Variants in CTDSPL2 observed in about 807,000 individuals in gnomAD.
CTDSPL2 encodes CTD small phosphatase like 2, also known as CTD small phosphatase-like protein 2.
Under a neutral mutation model 60.0 loss-of-function variants are expected in CTDSPL2, and 5 were observed. That is an observed-to-expected ratio of 0.08 (90% CI 0.04 to 0.18). The LOEUF (loss-of-function observed/expected upper bound fraction) is 0.18, where lower values mean the gene tolerates loss of function less well. Among genes scored for constraint, CTDSPL2 ranks in the 10% least tolerant of loss-of-function variants. The pLI, the probability that CTDSPL2 is intolerant of heterozygous loss-of-function variation, is 1.00. For missense variants in CTDSPL2, 370 were observed against 548.8 expected (o/e 0.67, Z 3.26); for synonymous variants, 186 against 189.3 (o/e 0.98, Z 0.14).
intron 1 of CTDSPL2, among the ~76,000 whole-genome samples, chr15:44,431,840 C>T (rs992265846): frequency 2.6e-5 from 4 of 151,386 alleles, no homozygotes; most frequent in Non-Finnish European, 4.4e-5. Context: ...GCCTCAGCCT[C>T]CCAAGCAGCT....
intron 8 of CTDSPL2, among the ~76,000 whole-genome samples, chr15:44,506,891 C>T (rs1020115483): frequency 1.5e-4 from 22 of 150,992 alleles, no homozygotes; most frequent in African/African-American, 2.4e-4. Flanking sequence ...CTCAGCCTCC[C>T]GAGTAGCTGG....
At chr15:44,459,525 C>CA (rs954820097) in intron 2 of CTDSPL2, among the ~76,000 whole-genome samples, 6 of 150,118 alleles carry the variant, frequency 4.0e-5, no homozygotes, top group South Asian at 2.1e-4. Flanking sequence ...GACTCCGTCT[C>CA]AAAAAAAAAT....
intron 12 of CTDSPL2, among the ~76,000 whole-genome samples, chr15:44,522,474 C>T (rs554577326): frequency 6.6e-6 from 1 of 151,970 alleles, no homozygotes; most frequent in East Asian, 1.9e-4. Context: ...TTAAATTGGC[C>T]GGGTGTGGTG....
intron 8 of CTDSPL2, among the ~76,000 whole-genome samples, chr15:44,501,336 GT>G (rs1307706303): frequency 6.6e-6 from 1 of 152,044 alleles, no homozygotes; most frequent in Admixed American, 6.5e-5. Context: ...CTTACAGATG[GT>G]TTTTGTTCTG....
chr15:44,442,976 CAA>C (rs72305309), intron 1 of CTDSPL2, among the ~76,000 whole-genome samples: 4 of 136,390 alleles, frequency 2.9e-5, no homozygotes, highest in Admixed American at 7.4e-5. Context: ...GACCGTGTCT[CAA>C]AAAAAAAAAA....
At chr15:44,479,703 CAT>C (rs2080991099) in intron 2 of CTDSPL2, among the ~76,000 whole-genome samples, 1 of 152,094 alleles carries the variant, frequency 6.6e-6, no homozygotes, top group African/African-American at 2.4e-5. Context: ...ACACCAGCCT[CAT>C]ATTTTCTTAT....
At chr15:44,523,571 A>G (rs1015372633) in intron 12 of CTDSPL2, among the ~76,000 whole-genome samples, 1 of 152,172 alleles carries the variant, frequency 6.6e-6, no homozygotes, top group African/African-American at 2.4e-5. Flanking sequence ...GTGCCACTGC[A>G]TTCCAGCCTG....
At chr15:44,448,927 G>C (rs1041393558) in intron 1 of CTDSPL2, 10 of 415,588 alleles carry the variant, frequency 2.4e-5, no homozygotes, top group Admixed American at 2.1e-4. Context: ...CTGTTCAAAA[G>C]TAACAGTGCC....
At chr15:44,465,349 A>G (rs550210017) in intron 2 of CTDSPL2, among the ~76,000 whole-genome samples, 10 of 152,284 alleles carry the variant, frequency 6.6e-5, no homozygotes, top group African/African-American at 2.4e-4. Flanking sequence ...TTCATAACAA[A>G]ATGACCTTTT....
intron 8 of CTDSPL2, among the ~76,000 whole-genome samples, chr15:44,503,020 TAAAA>T (rs567676631): frequency 6.6e-6 from 1 of 151,254 alleles, no homozygotes; most frequent in Non-Finnish European, 1.5e-5. Context: ...TCTAGGGGAT[TAAAA>T]AAAAACCTGA....
intron 1 of CTDSPL2, among the ~76,000 whole-genome samples, chr15:44,450,637 C>T (rs954238571): frequency 1.5e-5 from 2 of 130,454 alleles, no homozygotes; most frequent in Non-Finnish European, 3.1e-5. Context: ...CACTTTGTCA[C>T]GCAGATTGGA....
At position 44,525,474 on chromosome 15, in the gene CTDSPL2, C is replaced by T. The variant is rs1041425772; in HGVS notation, c.*1300C>T. ...AATTTGTAAAAGTTCGTATGCTTTG[C>T]CTCTCAACTGCATTAACATGCCACA... On this transcript the variant is annotated 3_prime_UTR_variant, in exon 13 of 13. Transcript: ENST00000260327. 3 of 398,754 alleles carry T rather than the reference C, an allele frequency of 7.5e-6. No homozygotes were observed. Among genetic ancestry groups the T allele is most frequent in the Admixed American group, 4.4e-5 (1 of 22,702 alleles). 24.7% of individuals were successfully genotyped at this position (398,754 alleles called of 1,614,324 possible). A position where few individuals can be genotyped will look rare whatever the true frequency, so the allele number is the denominator to read the frequency against.
chr15:44,457,671 G>C (rs2080477106), intron 1 of CTDSPL2, among the ~76,000 whole-genome samples: 1 of 152,166 alleles, frequency 6.6e-6, no homozygotes, highest in Non-Finnish European at 1.5e-5. Context: ...GAGTGCTATA[G>C]TGTGATCTCT....
intron 5 of CTDSPL2, among the ~76,000 whole-genome samples, chr15:44,492,913 GAT>G (rs1491486790): frequency 9.9e-5 from 15 of 152,108 alleles, no homozygotes; most frequent in African/African-American, 1.7e-4. Context: ...CTTCCTGTTC[GAT>G]GTTTGTTCTG....
chr15:44,453,479 G>A (rs2080371022), intron 1 of CTDSPL2, among the ~76,000 whole-genome samples: 1 of 151,772 alleles, frequency 6.6e-6, no homozygotes, highest in African/African-American at 2.4e-5. Context: ...CAACGTGCAG[G>A]CTTGCTACAT....
intron 8 of CTDSPL2, 114 bp downstream of exon 8, chr15:44,499,927 T>C (rs1444771794): frequency 3.3e-6 from 2 of 608,542 alleles, no homozygotes; most frequent in African/African-American, 1.9e-5. Context: ...TGTAGAAGTA[T>C]AATGGATTTC....
intron 2 of CTDSPL2, among the ~76,000 whole-genome samples, chr15:44,464,748 C>G (rs978336420): frequency 6.6e-6 from 1 of 152,118 alleles, no homozygotes; most frequent in Non-Finnish European, 1.5e-5. Context: ...TCTCTGTCGC[C>G]CAGGCTGGAA....
At chr15:44,468,040 G>A (rs2080731918) in intron 2 of CTDSPL2, among the ~76,000 whole-genome samples, 1 of 152,024 alleles carries the variant, frequency 6.6e-6, no homozygotes, top group Non-Finnish European at 1.5e-5. Context: ...TAAATTTTGG[G>A]ATTAAGATTA....
At chr15:44,484,780 T>G (rs899977390) in intron 3 of CTDSPL2, among the ~76,000 whole-genome samples, 3 of 152,164 alleles carry the variant, frequency 2.0e-5, no homozygotes. Flanking sequence ...TTTGCCTTAA[T>G]TTTGTAATCT....
Sources: allele counts gnomAD v4.1 joint callset (sites outside exome capture counted in the v4.1 genomes callset), GRCh38; gene constraint gnomAD v4.1.1; transcripts MANE v1.5; gene names NCBI Gene and HGNC (gene_info 2026-07-23, HGNC 2026-07-21).